The following ME1 variants were observed in gnomAD, a reference collection of about 807,000 sequenced individuals.
ME1 encodes the protein NADP-dependent malic enzyme.
In ME1, 74 loss-of-function variants were observed where a neutral mutation model predicts 66.4. The ratio of observed to expected loss-of-function variants is 1.11; its 90% CI spans 0.92 to 1.35. The LOEUF (loss-of-function observed/expected upper bound fraction) is 1.35, where lower values mean the gene tolerates loss of function less well. ME1 is among the 40% of genes most tolerant of loss of function. The probability of loss-of-function intolerance (pLI) is 0.00; values close to 1 mark genes in which losing one functional copy is unlikely to be tolerated. For synonymous variants in ME1, 251 were observed against 235.6 expected, an observed-to-expected ratio of 1.07 and a Z score of -0.60; for missense variants, 750 against 694.1, an observed-to-expected ratio of 1.08 and a Z score of -0.90.
chr6:83,384,879 G>C (rs1769478360), intron 3 of ME1, among the ~76,000 whole-genome samples: 1 of 151,822 alleles, frequency 6.6e-6, no homozygotes, highest in South Asian at 2.1e-4. Context: ...TATTGAATAG[G>C]GAGTCCTTTC....
intron 3 of ME1, among the ~76,000 whole-genome samples, chr6:83,396,487 G>A (rs1282957530): frequency 6.6e-6 from 1 of 152,058 alleles, no homozygotes; most frequent in African/African-American, 2.4e-5. Context: ...ACAAATAAAT[G>A]GAAAGATGTT....
In ME1 at chr6:83,411,355, C is replaced by G. The variant is rs1490848369; in HGVS notation, c.79-3454G>C. ...CTCCAGCCTAGGTGACAGAGCAAGA[C>G]TCCGTCTCAAGAAAAAAAAAAAAAC... On this transcript the variant is annotated intron_variant, in intron 1 of 13. Coordinates refer to ENST00000369705, the MANE Select transcript of ME1 (RefSeq NM_002395.6). Among the ~76,000 whole-genome samples the G allele has an allele frequency of 4.6e-5, 7 of 151,446 alleles. No homozygotes were observed. The East Asian group carries it at 1.4e-3, about 29-fold the overall frequency.
intron 3 of ME1, chr6:83,392,924 C>A (rs147409115): frequency 1.2e-6 from 1 of 811,866 alleles, no homozygotes; most frequent in Non-Finnish European, 2.1e-6. Context: ...ACTTTGGTAC[C>A]GTGGAAGGAC....
At chr6:83,226,052 T>A (rs1038859191) in intron 11 of ME1, among the ~76,000 whole-genome samples, 9 of 152,094 alleles carry the variant, frequency 5.9e-5, no homozygotes, top group Admixed American at 1.3e-4. Context: ...ACCTTTCCTA[T>A]CTTCACCTGT....
chr6:83,395,098 T>C (rs946568957), intron 3 of ME1, among the ~76,000 whole-genome samples: 6 of 135,476 alleles, frequency 4.4e-5, no homozygotes, highest in South Asian at 2.1e-4. Context: ...TTTTTTTGGT[T>C]TTTTTTTTTG....
At chr6:83,269,014 G>A (rs918392993) in intron 6 of ME1, among the ~76,000 whole-genome samples, 1 of 152,190 alleles carries the variant, frequency 6.6e-6, no homozygotes, top group East Asian at 1.9e-4. Flanking sequence ...CAAGAGCCAC[G>A]AGTAAGCTTG....
chr6:83,279,556 C>T (rs1426623167), intron 6 of ME1, among the ~76,000 whole-genome samples: 4 of 151,914 alleles, frequency 2.6e-5, no homozygotes, highest in Non-Finnish European at 5.9e-5. Context: ...CATTTGTGTG[C>T]TCAAAGAAAC....
chr6:83,226,033 T>C (rs1790193779), intron 11 of ME1, among the ~76,000 whole-genome samples: 1 of 152,084 alleles, frequency 6.6e-6, no homozygotes, highest in African/African-American at 2.4e-5. Context: ...TTCTGTATAT[T>C]GTAACTTAAC....
chr6:83,331,739 C>T (rs746168422), intron 5 of ME1, among the ~76,000 whole-genome samples: 7 of 152,022 alleles, frequency 4.6e-5, no homozygotes, highest in Non-Finnish European at 1.0e-4. Context: ...GGACTTCCAG[C>T]CCCCAGAACT....
intron 8 of ME1, among the ~76,000 whole-genome samples, chr6:83,239,044 T>G (rs190866959): frequency 3.6e-4 from 55 of 152,022 alleles, no homozygotes; most frequent in African/African-American, 1.3e-3. Flanking sequence ...TAAAATATTT[T>G]GGGATTTTTG....
chr6:83,402,373 TCTC>T (rs1308606416), intron 2 of ME1, among the ~76,000 whole-genome samples: 2 of 152,034 alleles, frequency 1.3e-5, no homozygotes, highest in East Asian at 1.9e-4. Context: ...TAGCAAAATT[TCTC>T]CTTTCTACCC....
intron 11 of ME1, among the ~76,000 whole-genome samples, chr6:83,226,542 G>A (rs1001774707): frequency 1.3e-5 from 2 of 151,964 alleles, no homozygotes; most frequent in Non-Finnish European, 2.9e-5. Flanking sequence ...TCCCAAATAA[G>A]AGAGATAAAC....
chr6:83,377,759 T>C (rs1769320559), intron 3 of ME1, among the ~76,000 whole-genome samples: 1 of 152,162 alleles, frequency 6.6e-6, no homozygotes, highest in African/African-American at 2.4e-5. Context: ...TGTTCATAGC[T>C]GGGAAGGCAA....
chr6:83,263,385 T>G (rs1328853898), intron 6 of ME1, among the ~76,000 whole-genome samples: 2 of 151,980 alleles, frequency 1.3e-5, no homozygotes, highest in African/African-American at 4.8e-5. Flanking sequence ...TTAAGTTTAG[T>G]GAGAAAGGAA....
chr6:83,248,681 G>A (rs2128527461), intron 7 of ME1, among the ~76,000 whole-genome samples: 1 of 152,278 alleles, frequency 6.6e-6, no homozygotes, highest in Admixed American at 6.5e-5. Flanking sequence ...GTGTTTGGAA[G>A]TTCTTCCTTC....
intron 7 of ME1, among the ~76,000 whole-genome samples, chr6:83,250,472 G>A (rs985936180): frequency 3.3e-5 from 5 of 152,172 alleles, no homozygotes; most frequent in Non-Finnish European, 4.4e-5. Flanking sequence ...TATAGTCCAA[G>A]CTCTTAACAT....
intron 3 of ME1, among the ~76,000 whole-genome samples, chr6:83,364,087 C>T (rs1769054310): frequency 6.6e-6 from 1 of 151,638 alleles, no homozygotes; most frequent in African/African-American, 2.4e-5. Flanking sequence ...GAGGGTGTTG[C>T]CAAAGGAAAT....
intron 3 of ME1, among the ~76,000 whole-genome samples, chr6:83,356,790 C>G (rs575262619): frequency 6.6e-6 from 1 of 152,066 alleles, no homozygotes; most frequent in Non-Finnish European, 1.5e-5. Context: ...CAACATGATG[C>G]CGCATCACTA....
At chr6:83,262,994 C>T (rs1265485447) in intron 6 of ME1, among the ~76,000 whole-genome samples, 1 of 152,100 alleles carries the variant, frequency 6.6e-6, no homozygotes, top group Non-Finnish European at 1.5e-5. Context: ...TTGTGACAAC[C>T]CTTGTTGAGC....
Sources: allele counts gnomAD v4.1 joint callset (sites outside exome capture counted in the v4.1 genomes callset), GRCh38; gene constraint gnomAD v4.1.1; transcripts MANE v1.5; gene names NCBI Gene and HGNC (gene_info 2026-07-23, HGNC 2026-07-21).